Variants in MAGI1 observed in about 807,000 individuals in gnomAD.
MAGI1 encodes the protein membrane associated guanylate kinase, WW and PDZ domain containing 1, also known as membrane-associated guanylate kinase, WW and PDZ domain-containing protein 1.
MAGI1 carries 58 observed loss-of-function variants against 139.9 expected under a neutral mutation model. That is an observed-to-expected ratio of 0.41 (90% CI 0.34 to 0.52). The LOEUF is 0.52. MAGI1 is among the 20% of genes least tolerant of loss of function. The probability of loss-of-function intolerance (pLI) is 0.12; values close to 1 mark genes in which losing one functional copy is unlikely to be tolerated. For synonymous variants in MAGI1, 812 were observed against 737.9 expected, an observed-to-expected ratio of 1.10 and a Z score of -1.63; for missense variants, 1,874 against 1,901.6, an observed-to-expected ratio of 0.99 and a Z score of 0.27.
intron 1 of MAGI1, among the ~76,000 whole-genome samples, chr3:65,856,593 T>C (rs1468274168): frequency 1.3e-5 from 2 of 152,146 alleles, no homozygotes; most frequent in Non-Finnish European, 1.5e-5. Context: ...TAGAAAACAA[T>C]GATTCTAAGA....
chr3:65,730,330 G>A (rs1342140535), intron 1 of MAGI1, among the ~76,000 whole-genome samples: 1 of 152,160 alleles, frequency 6.6e-6, no homozygotes, highest in Non-Finnish European at 1.5e-5. Context: ...CTCAGCATGT[G>A]AATTTTCTTC....
intron 1 of MAGI1, among the ~76,000 whole-genome samples, chr3:65,751,465 T>G (rs549778546): frequency 1.3e-5 from 2 of 152,342 alleles, no homozygotes; most frequent in African/African-American, 4.8e-5. Flanking sequence ...GATGTTGCAT[T>G]GACCTTCGGA....
chr3:66,004,922 T>C lies in MAGI1; in HGVS notation c.313+33074A>G, dbSNP rs375966485. Among the ~76,000 whole-genome samples the C allele has an allele frequency of 1.1e-4, 17 of 152,294 alleles. No homozygotes were observed. The East Asian group carries it at 2.3e-3, about 21-fold the overall frequency. On this transcript the variant is annotated intron_variant, in intron 1 of 22. Transcript: ENST00000402939. Reference sequence around the variant, plus strand: ...TACAAACACTACTCCTGGCAACAATTAGAAGGGTCCTCAACATATATTATT... The same window carrying C: ...TACAAACACTACTCCTGGCAACAATCAGAAGGGTCCTCAACATATATTATT...
At chr3:65,904,266 G>C (rs943928395) in intron 1 of MAGI1, among the ~76,000 whole-genome samples, 1 of 152,164 alleles carries the variant, frequency 6.6e-6, no homozygotes, top group African/African-American at 2.4e-5. Context: ...CCAACCCTAT[G>C]TCAGTTTCTG....
At chr3:65,948,798 G>C (rs1007676647) in intron 1 of MAGI1, among the ~76,000 whole-genome samples, 1 of 152,128 alleles carries the variant, frequency 6.6e-6, no homozygotes, top group Non-Finnish European at 1.5e-5. Context: ...AATCTGTTAG[G>C]ATTTTAGAAT....
intron 13 of MAGI1, among the ~76,000 whole-genome samples, chr3:65,398,491 C>T (rs1944583868): frequency 6.6e-6 from 1 of 151,706 alleles, no homozygotes; most frequent in South Asian, 2.1e-4. Flanking sequence ...AAAGTGAGAC[C>T]TCATCTCAAA....
At chr3:65,770,347 T>C (rs2037848075) in intron 1 of MAGI1, among the ~76,000 whole-genome samples, 1 of 152,222 alleles carries the variant, frequency 6.6e-6, no homozygotes, top group Admixed American at 6.5e-5. Context: ...CTACCATATG[T>C]TCATCTTTTA....
chr3:65,374,938 A>G (rs748225830), intron 18 of MAGI1, among the ~76,000 whole-genome samples: 1 of 152,218 alleles, frequency 6.6e-6, no homozygotes, highest in Non-Finnish European at 1.5e-5. Context: ...ATTAGGGAAA[A>G]TCCAGTAGAC....
At chr3:65,915,766 T>C (rs1010648327) in intron 1 of MAGI1, among the ~76,000 whole-genome samples, 2 of 152,082 alleles carry the variant, frequency 1.3e-5, no homozygotes, top group Admixed American at 6.6e-5. Context: ...ATCAGGTAAC[T>C]AATGGCATTT....
At position 66,032,997 on chromosome 3, in the gene MAGI1, G is replaced by A. The variant is rs186911700; in HGVS notation, c.313+4999C>T. ...TCAAGGCTATGAAGGAACAAACAGG[G>A]TGAGGGAATGGCACTTTACTCAGGG... On this transcript the variant is annotated intron_variant, in intron 1 of 22. Coordinates refer to ENST00000402939, the MANE Select transcript of MAGI1 (RefSeq NM_001033057.2). Among the ~76,000 whole-genome samples, 67 of 151,746 alleles carry A rather than the reference G, an allele frequency of 4.4e-4. 1 individual carries two copies. Among genetic ancestry groups the A allele is most frequent in the Non-Finnish European group, 7.2e-4 (49 of 67,958 alleles).
chr3:65,762,070 A>G (rs1246339973), intron 1 of MAGI1, among the ~76,000 whole-genome samples: 2 of 152,102 alleles, frequency 1.3e-5, no homozygotes, highest in South Asian at 2.1e-4. Flanking sequence ...GAACTGCCTC[A>G]TTTTTTCTTT....
rs186710000 is a variant in MAGI1 at position 65,417,529 on chromosome 3, T to A, written c.2167+11991A>T. On this transcript the variant is annotated intron_variant, in intron 12 of 22. Transcript: ENST00000402939. The stretch of plus-strand genomic sequence containing the variant: ...TGATATATGGTTTCTTTTTTTTTTT[T>A]AAAGCATAAATTAAACCAAAAAGAA... Among the ~76,000 whole-genome samples the A allele has an allele frequency of 5.7e-3, 863 of 151,496 alleles. 7 individuals are homozygous for A. Among genetic ancestry groups the A allele is most frequent in the African/African-American group, 0.019 (769 of 41,326 alleles).
At chr3:65,777,300 A>C (rs9814931) in intron 1 of MAGI1, among the ~76,000 whole-genome samples, 77,775 of 151,916 alleles carry the variant, frequency 0.51, 20,606 homozygotes, top group Admixed American at 0.59. Context: ...ACAGTGCCTA[A>C]TCAAGTGGTT....
chr3:65,656,759 G>A (rs1056813363), intron 1 of MAGI1, among the ~76,000 whole-genome samples: 2 of 152,056 alleles, frequency 1.3e-5, no homozygotes, highest in Non-Finnish European at 2.9e-5. Flanking sequence ...AGCACTTTGA[G>A]AGGCCAAGTG....
At chr3:65,895,405 G>A (rs1374790452) in intron 1 of MAGI1, among the ~76,000 whole-genome samples, 1 of 152,200 alleles carries the variant, frequency 6.6e-6, no homozygotes, top group African/African-American at 2.4e-5. Context: ...GTCTGAGTTT[G>A]TGTGACACCT....
At chr3:65,397,133 T>C (rs1401652698) in intron 13 of MAGI1, among the ~76,000 whole-genome samples, 2 of 152,162 alleles carry the variant, frequency 1.3e-5, no homozygotes, top group Non-Finnish European at 1.5e-5. Flanking sequence ...TTGTAGGCTG[T>C]AGAAGCTTTG....
At chr3:65,509,924 G>C (rs1303448994) in intron 2 of MAGI1, among the ~76,000 whole-genome samples, 1 of 152,194 alleles carries the variant, frequency 6.6e-6, no homozygotes, top group Non-Finnish European at 1.5e-5. Context: ...TTTGAAGAGA[G>C]GAGTGGTTCT....
intron 1 of MAGI1, among the ~76,000 whole-genome samples, chr3:65,999,564 A>T (rs1017299950): frequency 6.6e-6 from 1 of 152,090 alleles, no homozygotes; most frequent in African/African-American, 2.4e-5. Flanking sequence ...GAATAAAACA[A>T]GTCTATTTTA....
At chr3:65,502,843 G>A (rs1270645403) in intron 2 of MAGI1, among the ~76,000 whole-genome samples, 1 of 152,212 alleles carries the variant, frequency 6.6e-6, no homozygotes, top group Non-Finnish European at 1.5e-5. Flanking sequence ...GAAAAGGTGT[G>A]TGGGTAAGGT....
Sources: allele counts gnomAD v4.1 joint callset (sites outside exome capture counted in the v4.1 genomes callset), GRCh38; gene constraint gnomAD v4.1.1; transcripts MANE v1.5; gene names NCBI Gene and HGNC (gene_info 2026-07-23, HGNC 2026-07-21).